Variants in NTM observed in about 807,000 individuals in gnomAD.
NTM encodes the protein neurotrimin.
A neutral mutation model predicts 42.1 loss-of-function variants in NTM; 13 were observed. The observed-to-expected ratio is 0.31, with a 90% confidence interval of 0.20 to 0.49. The LOEUF (loss-of-function observed/expected upper bound fraction) is 0.49, where lower values mean the gene tolerates loss of function less well. NTM is among the 20% of genes least tolerant of loss of function. The probability of loss-of-function intolerance (pLI) is 0.99; values close to 1 mark genes in which losing one functional copy is unlikely to be tolerated. For missense variants in NTM, 373 were observed against 452.8 expected, an observed-to-expected ratio of 0.82 and a Z score of 1.60; for synonymous variants, 187 against 179.2, an observed-to-expected ratio of 1.04 and a Z score of -0.35.
chr11:131,851,517 C>T (rs1383200716), intron 1 of NTM, among the ~76,000 whole-genome samples: 1 of 148,456 alleles, frequency 6.7e-6, no homozygotes, highest in Non-Finnish European at 1.5e-5. Flanking sequence ...ACATCACATG[C>T]CCTGGTGAGA....
intron 4 of NTM, among the ~76,000 whole-genome samples, chr11:132,306,031 A>G (rs964377484): frequency 6.6e-6 from 1 of 152,352 alleles, no homozygotes; most frequent in Admixed American, 6.5e-5. Context: ...TGTAGTTTGC[A>G]TATGGCATGA....
intron 1 of NTM, among the ~76,000 whole-genome samples, chr11:131,756,346 G>A (rs1024246466): frequency 1.3e-5 from 2 of 152,100 alleles, no homozygotes; most frequent in Admixed American, 1.3e-4. Flanking sequence ...CATTTTGGGA[G>A]GCCAAGGCAA....
chr11:131,598,719 CTTT>C (rs2060065226), intron 1 of NTM, among the ~76,000 whole-genome samples: 1 of 89,704 alleles, frequency 1.1e-5, no homozygotes, highest in Admixed American at 1.2e-4. Context: ...TTCTTTCTTT[CTTT>C]CTTTCTTTCT....
At chr11:131,999,822 A>G (rs1451829368) in intron 2 of NTM, among the ~76,000 whole-genome samples, 1 of 152,178 alleles carries the variant, frequency 6.6e-6, no homozygotes, top group Non-Finnish European at 1.5e-5. Flanking sequence ...CATTAAAGAG[A>G]AACTATCTCT....
At chr11:131,869,195 C>T (rs1391839211) in intron 1 of NTM, among the ~76,000 whole-genome samples, 2 of 152,088 alleles carry the variant, frequency 1.3e-5, no homozygotes, top group East Asian at 1.9e-4. Context: ...TATCCCCTAG[C>T]GTCAGGCAAG....
At position 131,450,432 on chromosome 11, in the gene NTM, C is replaced by T. The variant is rs149652166; in HGVS notation, c.82+79544C>T. Reference sequence around the variant, plus strand: ...CTGTCACTTCTCCCTGAGCCCATTCCGCCTGGGACCCTTCTCCCTTTTTTA... The same window carrying T: ...CTGTCACTTCTCCCTGAGCCCATTCTGCCTGGGACCCTTCTCCCTTTTTTA... On this transcript the variant is annotated intron_variant, in intron 1 of 8. Coordinates refer to ENST00000683400, the MANE Select transcript of NTM (RefSeq NM_001352005.2). Among the ~76,000 whole-genome samples, 68 of 152,248 alleles carry T rather than the reference C, an allele frequency of 4.5e-4. No homozygotes were observed. The East Asian group carries it at 4.9e-3, about 11-fold the overall frequency.
At chr11:131,785,821 G>C (rs1280894902) in intron 1 of NTM, among the ~76,000 whole-genome samples, 1 of 152,190 alleles carries the variant, frequency 6.6e-6, no homozygotes, top group African/African-American at 2.4e-5. Context: ...GCTTTATAAA[G>C]ACTGATATGC....
At chr11:132,112,729 A>ACACG (rs1480601757) in intron 2 of NTM, among the ~76,000 whole-genome samples, 1 of 140,962 alleles carries the variant, frequency 7.1e-6, no homozygotes, top group Non-Finnish European at 1.6e-5. Context: ...ACACACACAC[A>ACACG]CACACACACA....
chr11:131,907,324 C>T (rs1020156463), intron 1 of NTM, among the ~76,000 whole-genome samples: 5 of 152,218 alleles, frequency 3.3e-5, no homozygotes, highest in Non-Finnish European at 7.3e-5. Context: ...TCCAGCCCTG[C>T]TTCAGTGTAC....
intron 1 of NTM, among the ~76,000 whole-genome samples, chr11:131,424,265 G>A (rs928811351): frequency 6.6e-6 from 1 of 152,068 alleles, no homozygotes; most frequent in African/African-American, 2.4e-5. Context: ...GAAATCAATT[G>A]GATCCCTATG....
At chr11:131,764,541 G>T (rs1298039143) in intron 1 of NTM, among the ~76,000 whole-genome samples, 1 of 152,112 alleles carries the variant, frequency 6.6e-6, no homozygotes, top group African/African-American at 2.4e-5. Context: ...ACTGAATTTT[G>T]GCTCTGCCAC....
chr11:132,330,707 C>T (rs748181800), intron 8 of NTM, among the ~76,000 whole-genome samples: 22 of 152,160 alleles, frequency 1.4e-4, no homozygotes, highest in Non-Finnish European at 2.6e-4. Flanking sequence ...CAGATGTTTC[C>T]GATGGATAAT....
chr11:132,317,778 T>C (rs1473406989), intron 7 of NTM: 3 of 760,178 alleles, frequency 3.9e-6, no homozygotes, highest in Non-Finnish European at 6.0e-6. Flanking sequence ...CCGAAGCACT[T>C]GTCTGTAAAG....
chr11:131,647,168 G>A (rs1264795171), intron 1 of NTM, among the ~76,000 whole-genome samples: 2 of 152,172 alleles, frequency 1.3e-5, no homozygotes, highest in Non-Finnish European at 2.9e-5. Context: ...AAGGTCAAGG[G>A]GATCGTGGAG....
At chr11:131,868,974 C>T in intron 1 of NTM, among the ~76,000 whole-genome samples, 1 of 152,108 alleles carries the variant, frequency 6.6e-6, no homozygotes, top group Non-Finnish European at 1.5e-5. Flanking sequence ...CAAATGAATA[C>T]AAGTATTTGA....
chr11:131,853,055 A>G (rs953485991), intron 1 of NTM, among the ~76,000 whole-genome samples: 3 of 152,032 alleles, frequency 2.0e-5, no homozygotes, highest in South Asian at 2.1e-4. Flanking sequence ...CCATGCATCC[A>G]TTCACTCACT....
In NTM at chr11:131,749,564, G is replaced by T. The variant is rs535458897; in HGVS notation, c.83-162000G>T. 1.5e-4 allele frequency among the ~76,000 whole-genome samples: 23 copies of T among 152,280 alleles called. No homozygotes were observed. The South Asian group carries it at 3.7e-3, about 25-fold the overall frequency. ...CCTGGGACACACCTCTGTTGTTGAC[G>T]TATGTCCCTGCATTGTCACTGTTTT... On this transcript the variant is annotated intron_variant, in intron 1 of 8. Transcript: ENST00000683400.
intron 4 of NTM, among the ~76,000 whole-genome samples, chr11:132,283,654 A>C (rs1241569890): frequency 6.6e-6 from 1 of 152,236 alleles, no homozygotes; most frequent in Non-Finnish European, 1.5e-5. Flanking sequence ...AGAAGCATCC[A>C]GTTCTCTCTG....
intron 1 of NTM, 142 bp downstream of exon 1, chr11:131,371,030 T>G (rs1419936870): frequency 2.0e-6 from 3 of 1,472,070 alleles, no homozygotes; most frequent in East Asian, 2.3e-5. Flanking sequence ...GGCTGGGACT[T>G]CATTCTCCCG....
Sources: gnomAD v4.1 joint callset for allele counts (sites outside exome capture counted in the v4.1 genomes callset) on GRCh38, gnomAD v4.1.1 for gene constraint, MANE v1.5 for transcripts, NCBI Gene and HGNC (gene_info 2026-07-23, HGNC 2026-07-21) for gene names.